Variants in RBMS3 observed in about 807,000 individuals in gnomAD.
The protein encoded by RBMS3 is RNA-binding motif, single-stranded-interacting protein 3.
RBMS3 carries 27 observed loss-of-function variants against 66.8 expected under a neutral mutation model. The ratio of observed to expected loss-of-function variants is 0.40; its 90% CI spans 0.30 to 0.56. The LOEUF (loss-of-function observed/expected upper bound fraction) is 0.56, where lower values mean the gene tolerates loss of function less well. Among genes scored for constraint, RBMS3 ranks in the 20% least tolerant of loss-of-function variants. RBMS3 has a pLI of 0.40. For missense variants in RBMS3, 513 were observed against 549.5 expected (o/e 0.93, Z 0.66); for synonymous variants, 188 against 183.0 (o/e 1.03, Z -0.22).
intron 13 of RBMS3, among the ~76,000 whole-genome samples, chr3:29,989,159 G>GATATCATGAATGA (rs1285552038): frequency 2.6e-5 from 4 of 152,166 alleles, no homozygotes; most frequent in Non-Finnish European, 5.9e-5. Context: ...TATTGCTGTA[G>GATATCATGAATGA]ATATCATGAA....
At chr3:29,549,988 A>G (rs2046126872) in intron 3 of RBMS3, among the ~76,000 whole-genome samples, 1 of 152,160 alleles carries the variant, frequency 6.6e-6, no homozygotes, top group Non-Finnish European at 1.5e-5. Flanking sequence ...ACAACCAAAC[A>G]TAAAATTAAT....
intron 5 of RBMS3, among the ~76,000 whole-genome samples, chr3:29,741,255 A>C (rs575619267): frequency 6.6e-6 from 1 of 152,352 alleles, no homozygotes; most frequent in South Asian, 2.1e-4. Flanking sequence ...ATTTGAATAG[A>C]AATAAACAGA....
At chr3:29,677,669 G>C (rs2051313194) in intron 4 of RBMS3, among the ~76,000 whole-genome samples, 1 of 152,070 alleles carries the variant, frequency 6.6e-6, no homozygotes, top group Non-Finnish European at 1.5e-5. Context: ...TTTTACTGTA[G>C]ACAGCCTCAG....
chr3:29,437,905 A>G (rs1459188099), intron 2 of RBMS3, among the ~76,000 whole-genome samples: 9 of 152,080 alleles, frequency 5.9e-5, no homozygotes, highest in Non-Finnish European at 1.0e-4. Flanking sequence ...TCTTTCTCCA[A>G]TCCCCTCGTG....
At chr3:29,732,531 A>G (rs564296830) in intron 4 of RBMS3, among the ~76,000 whole-genome samples, 29 of 152,290 alleles carry the variant, frequency 1.9e-4, no homozygotes, top group African/African-American at 6.0e-4. Context: ...ACACAAATAT[A>G]TAATACTGAA....
At chr3:29,338,879 A>G (rs540845996) in intron 1 of RBMS3, among the ~76,000 whole-genome samples, 1 of 152,226 alleles carries the variant, frequency 6.6e-6, no homozygotes, top group East Asian at 1.9e-4. Flanking sequence ...TTTTGTCACC[A>G]TGTTATGGTT....
chr3:29,661,930 A>G (rs1375784266), intron 4 of RBMS3, among the ~76,000 whole-genome samples: 1 of 152,222 alleles, frequency 6.6e-6, no homozygotes, highest in Non-Finnish European at 1.5e-5. Context: ...CACCTGATCA[A>G]CATCTCAGTT....
chr3:29,440,287 T>A (rs1396202448), intron 2 of RBMS3, among the ~76,000 whole-genome samples: 1 of 152,198 alleles, frequency 6.6e-6, no homozygotes, highest in Admixed American at 6.5e-5. Context: ...TTTAATACAA[T>A]GTTCTCAGGA....
intron 4 of RBMS3, among the ~76,000 whole-genome samples, chr3:29,600,071 G>C (rs565161514): frequency 7.9e-5 from 12 of 152,130 alleles, no homozygotes; most frequent in South Asian, 2.1e-4. Context: ...AAAACAAATA[G>C]AGTAATGATA....
At chr3:29,353,082 A>C (rs1355611744) in intron 1 of RBMS3, among the ~76,000 whole-genome samples, 1 of 151,948 alleles carries the variant, frequency 6.6e-6, no homozygotes, top group Non-Finnish European at 1.5e-5. Flanking sequence ...AGTGTTCCTA[A>C]TATATTTTTA....
rs375044958 is a variant in RBMS3, at chr3:29,928,697, A to T, written c.940-7389A>T. Among the ~76,000 whole-genome samples the T allele has an allele frequency of 4.6e-5, 7 of 152,266 alleles. No homozygotes were observed. In the South Asian group the frequency reaches 8.3e-4, roughly 18 times the overall value. On this transcript the variant is annotated intron_variant, in intron 10 of 14. Coordinates refer to ENST00000383767, the MANE Select transcript of RBMS3 (RefSeq NM_001003793.3). ...CTCTAAAATTCTTATCAAATACCAC[A>T]TTCTGGGGAATAACTCCTATGAATG... is the stretch of plus-strand genomic sequence containing the variant.
chr3:29,316,571 C>T (rs2034690536), intron 1 of RBMS3, among the ~76,000 whole-genome samples: 1 of 151,744 alleles, frequency 6.6e-6, no homozygotes, highest in East Asian at 1.9e-4. Flanking sequence ...CTCTATGTAA[C>T]ATGAAAGCAA....
chr3:29,464,738 G>A (rs552055413), intron 2 of RBMS3, among the ~76,000 whole-genome samples: 20 of 152,226 alleles, frequency 1.3e-4, no homozygotes, highest in Non-Finnish European at 2.5e-4. Context: ...GAGATCAAGC[G>A]CTACTTTCTC....
At chr3:29,794,039 G>A (rs79889712) in intron 6 of RBMS3, among the ~76,000 whole-genome samples, 3,722 of 152,184 alleles carry the variant, frequency 0.024, 75 homozygotes, top group East Asian at 0.13. Context: ...CTTCCCCTTC[G>A]TCTTCTGCCA....
chr3:29,927,567 T>C lies in RBMS3; in HGVS notation c.940-8519T>C, dbSNP rs1559807974. On this transcript the variant is annotated intron_variant, in intron 10 of 14. Transcript: ENST00000383767. ...AGTGACCGGTAGCCTGGGTCAGTCATAGGAGTTATTCCCCAGAATTTAGTA... is the reference window on the plus strand; with the variant it reads ...AGTGACCGGTAGCCTGGGTCAGTCACAGGAGTTATTCCCCAGAATTTAGTA... Among the ~76,000 whole-genome samples, 3 of 152,192 alleles carry C rather than the reference T, an allele frequency of 2.0e-5. No individual in the cohort carries two copies. The South Asian group carries it at 6.2e-4, about 32-fold the overall frequency.
At chr3:29,358,571 A>C (rs1036643647) in intron 1 of RBMS3, among the ~76,000 whole-genome samples, 9 of 151,868 alleles carry the variant, frequency 5.9e-5, no homozygotes, top group Non-Finnish European at 1.0e-4. Flanking sequence ...AGTTTTTTCC[A>C]ATTCTGTGAA....
intron 1 of RBMS3, among the ~76,000 whole-genome samples, chr3:29,356,339 C>T (rs982438534): frequency 6.6e-6 from 1 of 152,108 alleles, no homozygotes; most frequent in Non-Finnish European, 1.5e-5. Context: ...TACTTTTGTT[C>T]TATGTTTTGT....
At chr3:29,401,681 T>C (rs1475616119) in intron 1 of RBMS3, among the ~76,000 whole-genome samples, 1 of 152,112 alleles carries the variant, frequency 6.6e-6, no homozygotes, top group African/African-American at 2.4e-5. Context: ...AACTTCTGAA[T>C]GAAGATGGGG....
chr3:29,598,378 C>G (rs2048031261), intron 4 of RBMS3, among the ~76,000 whole-genome samples: 1 of 152,034 alleles, frequency 6.6e-6, no homozygotes, highest in African/African-American at 2.4e-5. Context: ...AAAGAATGAT[C>G]AACAACTACC....
Sources: gnomAD v4.1 joint callset for allele counts (sites outside exome capture counted in the v4.1 genomes callset) on GRCh38, gnomAD v4.1.1 for gene constraint, MANE v1.5 for transcripts, NCBI Gene and HGNC (gene_info 2026-07-23, HGNC 2026-07-21) for gene names.